The following AKAP19 variants were observed in gnomAD, a reference collection of about 807,000 sequenced individuals.
The protein encoded by AKAP19 is small A-kinase anchoring protein.
the AKAP19 span, among the ~76,000 whole-genome samples, chr2:190,014,011 C>T: frequency 1.3e-4 from 20 of 151,954 alleles, no homozygotes; most frequent in Admixed American, 6.6e-5. Flanking sequence ...TAAGGCATAA[C>T]GTTAGGTTGT....
the AKAP19 span, among the ~76,000 whole-genome samples, chr2:189,913,004 AG>A: frequency 6.6e-6 from 1 of 152,298 alleles, no homozygotes; most frequent in Admixed American, 6.5e-5. Flanking sequence ...TGAGCTAAAG[AG>A]AAAAAGGATC....
At chr2:190,016,738 C>T in the AKAP19 span, among the ~76,000 whole-genome samples, 2 of 152,236 alleles carry the variant, frequency 1.3e-5, no homozygotes, top group Admixed American at 1.3e-4. Context: ...CCCATGGGTG[C>T]TTAAGAATAA....
At chr2:190,196,637 T>C in the AKAP19 span, among the ~76,000 whole-genome samples, 1 of 152,116 alleles carries the variant, frequency 6.6e-6, no homozygotes, top group Non-Finnish European at 1.5e-5. Flanking sequence ...GCATCTGGCT[T>C]ATGTTATCTT....
At chr2:190,013,487 GTCTC>G in the AKAP19 span, among the ~76,000 whole-genome samples, 1 of 151,050 alleles carries the variant, frequency 6.6e-6, no homozygotes, top group Non-Finnish European at 1.5e-5. Flanking sequence ...TATTTGAGTC[GTCTC>G]TCTTTGTTTA....
At chr2:189,897,162 C>T in the AKAP19 span, among the ~76,000 whole-genome samples, 3 of 152,080 alleles carry the variant, frequency 2.0e-5, no homozygotes, top group Non-Finnish European at 4.4e-5. Context: ...TGGGATATAG[C>T]AGATACTCAA....
the AKAP19 span, among the ~76,000 whole-genome samples, chr2:189,969,213 G>A: frequency 2.6e-5 from 4 of 152,062 alleles, no homozygotes; most frequent in Non-Finnish European, 5.9e-5. Flanking sequence ...CCTTTGGGAG[G>A]TGATCAGGTC....
the AKAP19 span, among the ~76,000 whole-genome samples, chr2:190,105,034 T>C: frequency 5.9e-5 from 9 of 152,338 alleles, no homozygotes; most frequent in African/African-American, 2.2e-4. Flanking sequence ...TATACACAGT[T>C]AGTGGAAGTC....
the AKAP19 span, among the ~76,000 whole-genome samples, chr2:190,100,436 G>A: frequency 2.0e-5 from 3 of 152,110 alleles, no homozygotes; most frequent in Non-Finnish European, 4.4e-5. Flanking sequence ...TGCAAGTTGA[G>A]ACAAAGAAAA....
At chr2:190,199,954 G>A in the AKAP19 span, 76 of 1,614,134 alleles carry the variant, frequency 4.7e-5, 1 homozygote, top group South Asian at 6.9e-4. Flanking sequence ...TATGCCAGAA[G>A]AGAGATGTCT....
the AKAP19 span, among the ~76,000 whole-genome samples, chr2:190,116,241 T>C: frequency 6.6e-6 from 1 of 152,214 alleles, no homozygotes; most frequent in Non-Finnish European, 1.5e-5. Flanking sequence ...AACAGAAATT[T>C]ATGGGCTCAT....
chr2:190,013,168 G>A, the AKAP19 span, among the ~76,000 whole-genome samples: 2 of 152,276 alleles, frequency 1.3e-5, no homozygotes, highest in Middle Eastern at 3.4e-3. Flanking sequence ...TTTTTTGGAA[G>A]ACTTTAAGAA....
chr2:189,969,869 CTTTTTTT>C, the AKAP19 span, among the ~76,000 whole-genome samples: 4 of 109,944 alleles, frequency 3.6e-5, no homozygotes, highest in Admixed American at 9.4e-5. Flanking sequence ...TCTTCTTCTT[CTTTTTTT>C]TTTTTTTTTT....
the AKAP19 span, among the ~76,000 whole-genome samples, chr2:189,950,030 T>TTTTG: frequency 7.1e-6 from 1 of 140,236 alleles, no homozygotes; most frequent in Non-Finnish European, 1.5e-5. Context: ...GGTTTTGGGT[T>TTTTG]TTTTTTTTTT....
At chr2:190,125,751 T>C in the AKAP19 span, among the ~76,000 whole-genome samples, 7 of 152,230 alleles carry the variant, frequency 4.6e-5, no homozygotes, top group Non-Finnish European at 1.0e-4. Context: ...TATAGAGTCA[T>C]GAATGTAATA....
the AKAP19 span, among the ~76,000 whole-genome samples, chr2:190,105,871 G>A: frequency 6.6e-6 from 1 of 152,150 alleles, no homozygotes; most frequent in African/African-American, 2.4e-5. Flanking sequence ...GAATTCCTTG[G>A]GGTTAGGGCC....
chr2:190,199,552 C>A, the AKAP19 span: 1 of 275,746 alleles, frequency 3.6e-6, no homozygotes, highest in Non-Finnish European at 6.4e-6. Flanking sequence ...TTATCTTTTT[C>A]TTCTACTGAT....
the AKAP19 span, among the ~76,000 whole-genome samples, chr2:190,136,837 C>A: frequency 1.3e-5 from 2 of 152,068 alleles, no homozygotes; most frequent in Non-Finnish European, 1.5e-5. Context: ...GGATAAGAAC[C>A]AAGATTTGGT....
At chr2:190,112,293 A>G in the AKAP19 span, among the ~76,000 whole-genome samples, 1 of 152,156 alleles carries the variant, frequency 6.6e-6, no homozygotes, top group East Asian at 1.9e-4. Flanking sequence ...TATTTTTGTT[A>G]CAGTTGTAAG....
the AKAP19 span, among the ~76,000 whole-genome samples, chr2:189,884,180 A>G: frequency 2.8e-4 from 42 of 152,150 alleles, 1 homozygote; most frequent in Middle Eastern, 3.2e-3. Flanking sequence ...TGGAGCGAAC[A>G]TATTTATGGG....
Sources: allele counts gnomAD v4.1 joint callset (sites outside exome capture counted in the v4.1 genomes callset), GRCh38; gene constraint gnomAD v4.1.1; transcripts MANE v1.5; gene names NCBI Gene and HGNC (gene_info 2026-07-23, HGNC 2026-07-21).